Variants in ARK2N observed in about 807,000 individuals in gnomAD.
The protein encoded by ARK2N is arkadia (RNF111) N-terminal like PKA signaling regulator 2N, also known as protein ARK2N.
At chr18:46,187,774 A>T in the ARK2N span, among the ~76,000 whole-genome samples, 1 of 152,156 alleles carries the variant, frequency 6.6e-6, no homozygotes, top group East Asian at 1.9e-4. Context: ...TGGTGCTAGG[A>T]TAGTACATAA....
chr18:46,216,341 C>T, the ARK2N span: 2 of 1,613,986 alleles, frequency 1.2e-6, no homozygotes, highest in Non-Finnish European at 1.7e-6. This position sits in a 1 kb window ranked among gnomAD's most constrained non-coding sequence, Gnocchi z 4.3. Flanking sequence ...ACTATGGCTG[C>T]CAAGAAAAAC....
At chr18:46,236,561 GGGAGAATGTGCAGCTT>G in the ARK2N span, among the ~76,000 whole-genome samples, 1 of 152,188 alleles carries the variant, frequency 6.6e-6, no homozygotes, top group South Asian at 2.1e-4. Flanking sequence ...GCTGGCAGAT[GGGAGAATGTGCAGCTT>G]GGATAACTTA....
chr18:46,231,327 C>T, the ARK2N span, among the ~76,000 whole-genome samples: 2 of 152,066 alleles, frequency 1.3e-5, no homozygotes, highest in African/African-American at 4.8e-5. Flanking sequence ...CATGTGTGTA[C>T]CCATCTTCAG....
At chr18:46,188,907 G>T in the ARK2N span, among the ~76,000 whole-genome samples, 1 of 151,738 alleles carries the variant, frequency 6.6e-6, no homozygotes, top group Non-Finnish European at 1.5e-5. Flanking sequence ...ACACATATCT[G>T]GGCTTCAAAA....
the ARK2N span, among the ~76,000 whole-genome samples, chr18:46,227,729 T>C: frequency 3.3e-5 from 5 of 151,778 alleles, no homozygotes; most frequent in South Asian, 1.0e-3. Flanking sequence ...TCCTAAGTAG[T>C]TGGGATTACA....
the ARK2N span, among the ~76,000 whole-genome samples, chr18:46,249,237 T>G: frequency 0.028 from 4,320 of 152,166 alleles, 184 homozygotes; most frequent in African/African-American, 0.098. Context: ...TTCTTTTTTT[T>G]TACTTTTTTT....
At chr18:46,230,215 G>A in the ARK2N span, among the ~76,000 whole-genome samples, 23 of 152,176 alleles carry the variant, frequency 1.5e-4, no homozygotes, top group Non-Finnish European at 2.4e-4. Context: ...GTGAGGCACC[G>A]CGCCTGGCCT....
At chr18:46,227,827 A>G in the ARK2N span, among the ~76,000 whole-genome samples, 2 of 151,524 alleles carry the variant, frequency 1.3e-5, no homozygotes, top group Non-Finnish European at 2.9e-5. Context: ...TGAACTCCCA[A>G]CCTCAGGTGA....
chr18:46,204,285 T>C, the ARK2N span, among the ~76,000 whole-genome samples: 97 of 152,310 alleles, frequency 6.4e-4, no homozygotes, highest in African/African-American at 2.3e-3. Context: ...ATTAGATAAA[T>C]AGCATAAGGT....
At chr18:46,199,339 G>T in the ARK2N span, among the ~76,000 whole-genome samples, 4 of 151,582 alleles carry the variant, frequency 2.6e-5, no homozygotes, top group Non-Finnish European at 5.9e-5. Context: ...TTTTGAGATG[G>T]AATCTCTCGC....
chr18:46,242,994 T>G, the ARK2N span, among the ~76,000 whole-genome samples: 1 of 152,222 alleles, frequency 6.6e-6, no homozygotes, highest in Non-Finnish European at 1.5e-5. Context: ...ATAAATTTTG[T>G]GTAGGTTTCT....
chr18:46,239,973 A>C, the ARK2N span: 1 of 1,597,100 alleles, frequency 6.3e-7, no homozygotes, highest in Non-Finnish European at 8.6e-7. Flanking sequence ...CCCACACGTT[A>C]GATACAAGTA....
At chr18:46,259,298 C>T in the ARK2N span, among the ~76,000 whole-genome samples, 1 of 148,256 alleles carries the variant, frequency 6.7e-6, no homozygotes, top group South Asian at 2.1e-4. Context: ...GGCTGGAGTG[C>T]AGTGGCACGA....
At chr18:46,202,616 C>T in the ARK2N span, among the ~76,000 whole-genome samples, 1 of 151,762 alleles carries the variant, frequency 6.6e-6, no homozygotes, top group Non-Finnish European at 1.5e-5. Context: ...AGCGAAACCC[C>T]GTCTCTACTA....
At chr18:46,213,211 A>G in the ARK2N span, among the ~76,000 whole-genome samples, 939 of 151,898 alleles carry the variant, frequency 6.2e-3, 11 homozygotes, top group African/African-American at 0.021. Flanking sequence ...CATCTCGGCC[A>G]GGCTGGTCTT....
At chr18:46,209,708 G>A in the ARK2N span, among the ~76,000 whole-genome samples, 21 of 152,000 alleles carry the variant, frequency 1.4e-4, no homozygotes, top group East Asian at 3.9e-4. Context: ...TGATTCTTCT[G>A]CCTCAGCCTC....
chr18:46,242,297 A>G, the ARK2N span, among the ~76,000 whole-genome samples: 5 of 152,188 alleles, frequency 3.3e-5, no homozygotes, highest in East Asian at 3.8e-4. Context: ...AGAATTCTTA[A>G]TATTAGATTG....
At chr18:46,191,473 C>T in the ARK2N span, among the ~76,000 whole-genome samples, 274 of 152,028 alleles carry the variant, frequency 1.8e-3, 2 homozygotes, top group East Asian at 0.023. Context: ...TGAGCCACCA[C>T]GCCTGGCCTG....
At chr18:46,225,739 C>T in the ARK2N span, among the ~76,000 whole-genome samples, 1 of 152,170 alleles carries the variant, frequency 6.6e-6, no homozygotes, top group Non-Finnish European at 1.5e-5. Flanking sequence ...GGATTACAGG[C>T]TTGAGCCACC....
Sources: allele counts gnomAD v4.1 joint callset (sites outside exome capture counted in the v4.1 genomes callset), GRCh38; gene constraint gnomAD v4.1.1; non-coding constraint Gnocchi (gnomAD v3.1); transcripts MANE v1.5; gene names NCBI Gene and HGNC (gene_info 2026-07-23, HGNC 2026-07-21).